The following OSBPL3 variants were observed in gnomAD, a reference collection of about 807,000 sequenced individuals.
The protein encoded by OSBPL3 is oxysterol-binding protein-related protein 3.
In OSBPL3, 65 loss-of-function variants were observed where a neutral mutation model predicts 120.1. The ratio of observed to expected loss-of-function variants is 0.54; its 90% CI spans 0.44 to 0.67. The LOEUF is 0.67. Among genes scored for constraint, OSBPL3 ranks in the 30% least tolerant of loss-of-function variants. The pLI is 0.00. For missense variants in OSBPL3, 1,004 were observed against 1,082.1 expected (o/e 0.93, Z 1.01); for synonymous variants, 416 against 402.6 (o/e 1.03, Z -0.40).
rs1006781226 is a variant in OSBPL3 at position 24,872,443 on chromosome 7, A to G, written c.97-374T>C. Among the ~76,000 whole-genome samples the G allele has an allele frequency of 7.9e-4, 56 of 71,252 alleles. No homozygotes were observed. Among genetic ancestry groups the G allele is most frequent in the African/African-American group, 2.7e-3 (46 of 17,222 alleles). The allele number at this position is 71,252 out of a possible 152,430, so 46.7% of individuals were successfully genotyped here. ...AGACTTCAGTCTGAATTTTAACCGA[A>G]AGAGAGTGTGTGTGTGTGTGTGTGT... On this transcript the variant is annotated intron_variant, in intron 2 of 22. Transcript: ENST00000313367. The surrounding 1 kb of genome is among the most constrained non-coding windows in gnomAD (Gnocchi z 4.1).
chr7:24,886,857 C>A (rs1232386158), intron 2 of OSBPL3, among the ~76,000 whole-genome samples: 1 of 152,176 alleles, frequency 6.6e-6, no homozygotes, highest in Non-Finnish European at 1.5e-5. Flanking sequence ...CCTTGTCTCT[C>A]ATGAATCAAC....
At chr7:24,882,049 T>C (rs1803765791) in intron 2 of OSBPL3, among the ~76,000 whole-genome samples, 1 of 152,224 alleles carries the variant, frequency 6.6e-6, no homozygotes, top group Non-Finnish European at 1.5e-5. Context: ...TCTGTAAAGG[T>C]CCTTTTTCCA....
At chr7:24,910,147 C>A (rs1259403249) in intron 1 of OSBPL3, among the ~76,000 whole-genome samples, 2 of 152,126 alleles carry the variant, frequency 1.3e-5, no homozygotes, top group Admixed American at 6.5e-5. Context: ...ATTACCCTGG[C>A]CTGAAATAAT....
intron 1 of OSBPL3, among the ~76,000 whole-genome samples, chr7:24,945,626 C>T (rs537409395): frequency 1.2e-4 from 18 of 152,278 alleles, no homozygotes; most frequent in African/African-American, 3.6e-4. Flanking sequence ...GAAATGATTA[C>T]TGGCAGCAAG....
chr7:24,891,040 C>T lies in OSBPL3; in HGVS notation c.96+1337G>A, dbSNP rs138597185. Among the ~76,000 whole-genome samples, 1,123 of 152,148 alleles carry T rather than the reference C, an allele frequency of 7.4e-3. 7 individuals carry two copies. Among genetic ancestry groups the T allele is most frequent in the Non-Finnish European group, 0.011 (772 of 68,012 alleles). ...CAACCCCTAGGTGTAAGGAAGATGG[C>T]GCAGGTAGGGGATATACCACATACT... On this transcript the variant is annotated intron_variant, in intron 2 of 22. Coordinates refer to ENST00000313367, the MANE Select transcript of OSBPL3 (RefSeq NM_015550.4). This position sits in a 1 kb window ranked among gnomAD's most constrained non-coding sequence, Gnocchi z 4.1.
In OSBPL3 at chr7:24,964,883, G is replaced by C. The variant is rs1216231853; in HGVS notation, c.-150+15003C>G. ...GTGTTGGGGGCTGTGATTAAAATAA[G>C]TAAAGTTGGACAAACATTGAGCAAT... On this transcript the variant is annotated intron_variant, in intron 1 of 22. Transcript: ENST00000313367. The surrounding 1 kb of genome is among the most constrained non-coding windows in gnomAD (Gnocchi z 4.2). 6.6e-6 allele frequency among the ~76,000 whole-genome samples: 1 copy of C among 152,188 alleles called. No individual in the cohort carries two copies. The highest frequency in any genetic ancestry group is 1.5e-5 in the Non-Finnish European group (1 of 68,032).
intron 1 of OSBPL3, among the ~76,000 whole-genome samples, chr7:24,974,766 C>T (rs1361131334): frequency 4.6e-5 from 7 of 152,200 alleles, no homozygotes; most frequent in Admixed American, 6.5e-5. Context: ...TACTATATGA[C>T]TCCCCTTATA....
intron 1 of OSBPL3, among the ~76,000 whole-genome samples, chr7:24,914,761 G>T (rs1809310963): frequency 6.6e-6 from 1 of 152,096 alleles, no homozygotes; most frequent in Admixed American, 6.5e-5. Flanking sequence ...ACAGGCTATT[G>T]GTTTTCTACA....
At position 24,854,473 on chromosome 7, in the gene OSBPL3, A is replaced by T. The variant is rs1239369892; in HGVS notation, c.1028-1839T>A. On this transcript the variant is annotated intron_variant, in intron 10 of 22. Coordinates refer to ENST00000313367, the MANE Select transcript of OSBPL3 (RefSeq NM_015550.4). This position sits in a 1 kb window ranked among gnomAD's most constrained non-coding sequence, Gnocchi z 4.1. Reference sequence around the variant, plus strand: ...GTGATGGACCTGAAACATCTTAACAAAGTCACAACAATTTGTACACACACA... The same window carrying T: ...GTGATGGACCTGAAACATCTTAACATAGTCACAACAATTTGTACACACACA... 6.7e-6 allele frequency among the ~76,000 whole-genome samples: 1 copy of T among 149,170 alleles called. No individual in the cohort carries two copies. Among genetic ancestry groups the T allele is most frequent in the East Asian group, 2.0e-4 (1 of 4,992 alleles).
chr7:24,849,191 A>G lies in OSBPL3; in HGVS notation c.1159-15T>C, dbSNP rs1320931720. On this transcript the variant is annotated splice_polypyrimidine_tract_variant and intron_variant, in intron 11 of 22. Coordinates refer to ENST00000313367, the MANE Select transcript of OSBPL3 (RefSeq NM_015550.4). This position sits in a 1 kb window ranked among gnomAD's most constrained non-coding sequence, Gnocchi z 5.4. Reference sequence around the variant, plus strand: ...TGTGCTAGGGCCTGGAACATGTTAAAATAGTGGGGCTCTGTTAATAAATGG... The same window carrying G: ...TGTGCTAGGGCCTGGAACATGTTAAGATAGTGGGGCTCTGTTAATAAATGG... The G allele has an allele frequency of 3.8e-6, 6 of 1,585,490 alleles. No homozygotes were observed. Among genetic ancestry groups the G allele is most frequent in the Non-Finnish European group, 5.2e-6 (6 of 1,154,538 alleles).
chr7:24,910,692 C>A (rs1445182135), intron 1 of OSBPL3, among the ~76,000 whole-genome samples: 1 of 152,172 alleles, frequency 6.6e-6, no homozygotes, highest in Non-Finnish European at 1.5e-5. Flanking sequence ...CCAGGGTGGG[C>A]CATCTGGTAG....
chr7:24,909,538 T>A (rs778411627), intron 1 of OSBPL3, among the ~76,000 whole-genome samples: 4 of 152,140 alleles, frequency 2.6e-5, no homozygotes, highest in Non-Finnish European at 5.9e-5. Flanking sequence ...TAAACTTTAA[T>A]CGTGTTAAAG....
chr7:24,890,802 A>T lies in OSBPL3; in HGVS notation c.96+1575T>A, dbSNP rs1312550982. The stretch of plus-strand genomic sequence containing the variant: ...GACCAAGCATTCCAAGTCAGAAAAA[A>T]GTTGAGGCATCAAGCACATTCCTCT... On this transcript the variant is annotated intron_variant, in intron 2 of 22. Coordinates refer to ENST00000313367, the MANE Select transcript of OSBPL3 (RefSeq NM_015550.4). Among the ~76,000 whole-genome samples the T allele has an allele frequency of 2.0e-5, 3 of 152,216 alleles. No individual in the cohort carries two copies. In the East Asian group the frequency reaches 5.8e-4, roughly 29 times the overall value.
At chr7:24,847,059 CAAAAAAAAA>C in intron 12 of OSBPL3, among the ~76,000 whole-genome samples, 1 of 106,246 alleles carries the variant, frequency 9.4e-6, no homozygotes, top group South Asian at 3.1e-4. Context: ...GACTCTGTCT[CAAAAAAAAA>C]AAAAAAAAAA....
intron 1 of OSBPL3, among the ~76,000 whole-genome samples, chr7:24,923,143 G>A (rs1359942983): frequency 6.6e-6 from 1 of 152,132 alleles, no homozygotes; most frequent in African/African-American, 2.4e-5. Flanking sequence ...AATCACAATA[G>A]GTTATCTATC....
chr7:24,878,516 T>G (rs1466733874), intron 2 of OSBPL3, among the ~76,000 whole-genome samples: 2 of 152,196 alleles, frequency 1.3e-5, no homozygotes, highest in African/African-American at 2.4e-5. Context: ...ATATTACCTT[T>G]TATGATTGTT....
rs181186400 is a variant in OSBPL3 at position 24,819,484 on chromosome 7, G to T, written c.1948+691C>A. On this transcript the variant is annotated intron_variant, in intron 17 of 22. Transcript: ENST00000313367. The surrounding 1 kb of genome is among the most constrained non-coding windows in gnomAD (Gnocchi z 4.1). The stretch of plus-strand genomic sequence containing the variant: ...TGCCTCCAAAGAGAGAAACTGAGTG[G>T]CTGGGGAAGGGGGTTACAGTATACT... Among the ~76,000 whole-genome samples, 1 of 152,282 alleles carries T rather than the reference G, an allele frequency of 6.6e-6. No individual in the cohort carries two copies. Among genetic ancestry groups the T allele is most frequent in the East Asian group, 1.9e-4 (1 of 5,182 alleles).
In OSBPL3 at chr7:24,804,332, G is replaced by A; in HGVS notation, c.2550C>T (p.His850=). The stretch of plus-strand genomic sequence containing the variant: ...GCACGAACCTGAAAAACCGAGGCTG[G>A]TGCTCCACATGATTTTCTTCTAAGA... ...RRVLEENHVE[H]QPRFFRKSDD... is the part of the protein sequence containing the mutation. Residue 850 remains histidine, a synonymous_variant, in exon 22 of 23, where the codon CAC becomes CAT. Transcript: ENST00000313367. The surrounding 1 kb of genome is among the most constrained non-coding windows in gnomAD (Gnocchi z 5.4). The A allele has an allele frequency of 6.2e-7, 1 of 1,614,156 alleles. No homozygotes were observed. The highest frequency in any genetic ancestry group is 8.5e-7 in the Non-Finnish European group (1 of 1,180,038).
In OSBPL3 at chr7:24,855,583, C is replaced by T. The variant is rs1412250058; in HGVS notation, c.1028-2949G>A. 2.6e-5 allele frequency among the ~76,000 whole-genome samples: 4 copies of T among 152,162 alleles called. No homozygotes were observed. The highest frequency in any genetic ancestry group is 4.4e-5 in the Non-Finnish European group (3 of 68,026). On this transcript the variant is annotated intron_variant, in intron 10 of 22. Coordinates refer to ENST00000313367, the MANE Select transcript of OSBPL3 (RefSeq NM_015550.4). This position sits in a 1 kb window ranked among gnomAD's most constrained non-coding sequence, Gnocchi z 4.3. ...TGTACTAAATTTCTTAAATGACTAT[C>T]AGGGCCCACTCAGGACATTAAAATA...
Sources: allele counts gnomAD v4.1 joint callset (sites outside exome capture counted in the v4.1 genomes callset), GRCh38; gene constraint gnomAD v4.1.1; non-coding constraint Gnocchi (gnomAD v3.1); transcripts MANE v1.5; gene names NCBI Gene and HGNC (gene_info 2026-07-23, HGNC 2026-07-21).